The following TNFRSF1B variants were observed in gnomAD, a reference collection of about 807,000 sequenced individuals.
The protein encoded by TNFRSF1B is TNF receptor superfamily member 1B, also known as tumor necrosis factor receptor superfamily member 1B.
TNFRSF1B carries 19 observed loss-of-function variants against 44.6 expected under a neutral mutation model. The observed-to-expected ratio is 0.43, with a 90% CI of 0.30 to 0.62. The LOEUF (loss-of-function observed/expected upper bound fraction) is 0.62. Among genes scored for constraint, TNFRSF1B ranks in the 20% least tolerant of loss-of-function variants. The probability of loss-of-function intolerance (pLI) is 0.16; values close to 1 mark genes in which losing one functional copy is unlikely to be tolerated. For missense variants in TNFRSF1B, 541 were observed against 619.9 expected, an observed-to-expected ratio of 0.87 and a Z score of 1.35; for synonymous variants, 252 against 261.1, an observed-to-expected ratio of 0.97 and a Z score of 0.34.
chr1:12,191,410 C>T (rs1054285032), intron 3 of TNFRSF1B, among the ~76,000 whole-genome samples: 1 of 150,660 alleles, frequency 6.6e-6, no homozygotes, highest in South Asian at 2.1e-4. Context: ...AGCGGGACTG[C>T]GGGGAAGAGC....
intron 9 of TNFRSF1B, among the ~76,000 whole-genome samples, chr1:12,205,338 C>G (rs1639478862): frequency 1.3e-5 from 2 of 151,978 alleles, no homozygotes; most frequent in Non-Finnish European, 2.9e-5. Context: ...GGAACCCCAT[C>G]AAGGTCTTGG....
At chr1:12,179,941 C>T (rs5745978) in intron 1 of TNFRSF1B, among the ~76,000 whole-genome samples, 250 of 152,306 alleles carry the variant, frequency 1.6e-3, no homozygotes, top group African/African-American at 5.8e-3. Flanking sequence ...TGAACAGTCT[C>T]TGTTCTTCCA....
chr1:12,191,629 C>G (rs1023219464), intron 3 of TNFRSF1B, 145 bp from the exon 4 acceptor site: 1 of 952,900 alleles, frequency 1.0e-6, no homozygotes, highest in Non-Finnish European at 1.6e-6. Context: ...CCCCTGGACT[C>G]TGGCCGGTGT....
chr1:12,169,198 C>G lies in TNFRSF1B; in HGVS notation c.78+2029C>G, dbSNP rs1235956455. On this transcript the variant is annotated intron_variant, in intron 1 of 9. Transcript: ENST00000376259. This position sits in a 1 kb window ranked among gnomAD's most constrained non-coding sequence, Gnocchi z 4.5. ...CCCTTTGAGGACAGATTGCATTCTGCTTTTTAATCTAGCTGTGTTTTATCC... is the reference window on the plus strand; with the variant it reads ...CCCTTTGAGGACAGATTGCATTCTGGTTTTTAATCTAGCTGTGTTTTATCC... Among the ~76,000 whole-genome samples, 1 of 152,188 alleles carries G rather than the reference C, an allele frequency of 6.6e-6. No individual in the cohort carries two copies. The highest frequency in any genetic ancestry group is 6.5e-5 in the Admixed American group (1 of 15,280).
chr1:12,204,816 A>G (rs1639466670), intron 9 of TNFRSF1B, among the ~76,000 whole-genome samples: 1 of 151,458 alleles, frequency 6.6e-6, no homozygotes, highest in Admixed American at 6.6e-5. Context: ...CACCACCACC[A>G]ACAAAAAAAC....
In TNFRSF1B at chr1:12,192,468, C is replaced by T. The variant is rs1217344325; in HGVS notation, c.495C>T (p.Ala165=). 1 of 1,614,122 alleles carries T rather than the reference C, an allele frequency of 6.2e-7. No individual in the cohort carries two copies. Among genetic ancestry groups the T allele is most frequent in the South Asian group, 1.1e-5 (1 of 91,072 alleles). The change falls in exon 5 of 10, where the codon GCC becomes GCT. Residue 165 remains alanine, a synonymous_variant. Transcript: ENST00000376259. ...CAGACGTGGTGTGCAAGCCCTGTGC[C>T]CCGGGGACGTTCTCCAACACGACTT... is the stretch of plus-strand genomic sequence containing the variant. ...ETSDVVCKPC[A]PGTFSNTTSS... is the part of the protein sequence containing the mutation.
At position 12,179,095 on chromosome 1, in the gene TNFRSF1B, G is replaced by A. The variant is rs534065722; in HGVS notation, c.79-9701G>A. On this transcript the variant is annotated intron_variant, in intron 1 of 9. Transcript: ENST00000376259. ...TTCCTTGCAGGCAGGGACCATGCCC[G>A]GCGTCTTTGTACCCTGGCATTTAGC... 2.0e-4 allele frequency among the ~76,000 whole-genome samples: 31 copies of A among 152,182 alleles called. 1 individual carries two copies. Among genetic ancestry groups the A allele is most frequent in the African/African-American group, 6.7e-4 (28 of 41,502 alleles).
chr1:12,188,839 G>A lies in TNFRSF1B; in HGVS notation c.122G>A (p.Arg41Gln), dbSNP rs560783734. The A allele has an allele frequency of 4.4e-5, 71 of 1,613,834 alleles. 1 individual carries two copies. The South Asian group carries it at 6.6e-4, about 15-fold the overall frequency. Residue 41 changes from arginine (R) to glutamine (Q), a missense_variant, in exon 2 of 10, where the codon CGG becomes CAG. Physicochemically the swap from Arg to Gln is conservative, Grantham distance 43. Transcript: ENST00000376259. The part of the protein sequence containing the change: ...PYAPEPGSTC[R>Q]LREYYDQTAQ... ...GCCCCGGAGCCCGGGAGCACATGCC[G>A]GCTCAGAGAATACTATGACCAGACA...
chr1:12,194,743 T>C (rs1639229305), intron 8 of TNFRSF1B, 125 bp downstream of exon 8: 3 of 1,266,972 alleles, frequency 2.4e-6, no homozygotes, highest in African/African-American at 1.5e-5. Context: ...TGCAGAGCCC[T>C]GGGAGGTGGA....
chr1:12,196,435 C>A (rs531553438), intron 8 of TNFRSF1B, among the ~76,000 whole-genome samples: 67 of 152,332 alleles, frequency 4.4e-4, no homozygotes, highest in African/African-American at 1.5e-3. Context: ...TGGTGACAAT[C>A]AAAAATTCTC....
chr1:12,202,276 G>C, intron 9 of TNFRSF1B, 105 bp downstream of exon 9: 2 of 1,462,856 alleles, frequency 1.4e-6, no homozygotes, highest in Non-Finnish European at 9.0e-7. Context: ...AGGGTGGGAC[G>C]AGGCCTGAGC....
chr1:12,167,844 G>T (rs1638430416), intron 1 of TNFRSF1B, among the ~76,000 whole-genome samples: 1 of 152,144 alleles, frequency 6.6e-6, no homozygotes, highest in Admixed American at 6.5e-5. Flanking sequence ...TGGTAATCGA[G>T]CAAGGCAAAT....
chr1:12,196,805 T>G (rs1464030514), intron 8 of TNFRSF1B, among the ~76,000 whole-genome samples: 1 of 152,204 alleles, frequency 6.6e-6, no homozygotes. Context: ...GTGGCGTGCG[T>G]AGAGCAGGTG....
intron 1 of TNFRSF1B, among the ~76,000 whole-genome samples, chr1:12,183,674 A>ATCTATCTAT (rs1553163403): frequency 6.4e-5 from 8 of 124,380 alleles, no homozygotes; most frequent in Non-Finnish European, 1.5e-4. Flanking sequence ...CTATCTATCT[A>ATCTATCTAT]TCTATCTATC....
chr1:12,202,162 G>A lies in TNFRSF1B; in HGVS notation c.1096G>A (p.Gly366Arg), dbSNP rs560425333. The A allele has an allele frequency of 2.5e-5, 39 of 1,547,472 alleles. No homozygotes were observed. The East Asian group carries it at 5.8e-4, about 23-fold the overall frequency. The change falls in exon 9 of 10, where the codon GGG becomes AGG. Residue 366 changes from glycine to arginine, a missense_variant. Physicochemically the swap from Gly to Arg is moderately radical, Grantham distance 125. Transcript: ENST00000376259. ...GGCCGGGGAGGCCCGGGCCAGCACC[G>A]GGAGCTCAGGTAAGAGGTGGGAGCA... Reference protein sequence around the residue: ...SGAGEARASTGSSDSSPGGHG... With the variant: ...SGAGEARASTRSSDSSPGGHG...
chr1:12,181,358 A>T (rs956559987), intron 1 of TNFRSF1B, among the ~76,000 whole-genome samples: 1 of 152,018 alleles, frequency 6.6e-6, no homozygotes, highest in Non-Finnish European at 1.5e-5. Context: ...CAGCGCCCCC[A>T]TGGAGCCCCC....
At position 12,193,837 on chromosome 1, in the gene TNFRSF1B, A is replaced by G. The variant is rs1570161867; in HGVS notation, c.788-118A>G. ...AATTGGATTTGAGAATCTCCGGCCT[A>G]GACTCGCCCCTCATTTGCAATGACC... On this transcript the variant is annotated intron_variant, in intron 6 of 9. Coordinates refer to ENST00000376259, the MANE Select transcript of TNFRSF1B (RefSeq NM_001066.3). 12 of 739,820 alleles carry G rather than the reference A, an allele frequency of 1.6e-5. No individual in the cohort carries two copies. In the East Asian group the frequency reaches 3.0e-4, roughly 18 times the overall value. 45.8% of individuals were successfully genotyped at this position (739,820 alleles called of 1,614,324 possible).
At chr1:12,189,989 G>A (rs932210598) in intron 2 of TNFRSF1B, among the ~76,000 whole-genome samples, 1 of 152,194 alleles carries the variant, frequency 6.6e-6, no homozygotes, top group Non-Finnish European at 1.5e-5. Flanking sequence ...CAGGATGAGC[G>A]AAGGCGAGTA....
chr1:12,191,250 G>A (rs1320510896), intron 3 of TNFRSF1B, among the ~76,000 whole-genome samples, 165 bp downstream of exon 3: 1 of 152,266 alleles, frequency 6.6e-6, no homozygotes, highest in Non-Finnish European at 1.5e-5. Flanking sequence ...TTCCTCCTCT[G>A]TCTCACCAAA....
Sources: allele counts gnomAD v4.1 joint callset (sites outside exome capture counted in the v4.1 genomes callset), GRCh38; gene constraint gnomAD v4.1.1; non-coding constraint Gnocchi (gnomAD v3.1); transcripts MANE v1.5; gene names NCBI Gene and HGNC (gene_info 2026-07-23, HGNC 2026-07-21).